ANKRD28: variants seen among roughly 807,000 people sequenced by gnomAD.
ANKRD28 encodes the protein serine/threonine-protein phosphatase 6 regulatory ankyrin repeat subunit A.
Under a neutral mutation model 126.5 loss-of-function variants are expected in ANKRD28, and 44 were observed. The ratio of observed to expected loss-of-function variants is 0.35; its 90% CI spans 0.27 to 0.45. The LOEUF (loss-of-function observed/expected upper bound fraction) is 0.45, where lower values mean the gene tolerates loss of function less well. Ranked by LOEUF, ANKRD28 falls within the 20% of genes least tolerant of loss-of-function variation. The pLI is 1.00. For missense variants in ANKRD28, 1,110 were observed against 1,316.6 expected (o/e 0.84, Z 2.43); for synonymous variants, 442 against 468.5 (o/e 0.94, Z 0.73).
chr3:15,757,632 C>A (rs1169147391), intron 3 of ANKRD28, among the ~76,000 whole-genome samples: 2 of 152,068 alleles, frequency 1.3e-5, no homozygotes, highest in Admixed American at 1.3e-4. Context: ...TCACCCTTTC[C>A]ACCATATGAG....
intron 6 of ANKRD28, chr3:15,732,204 T>G (rs868037991): frequency 6.6e-6 from 1 of 152,080 alleles, no homozygotes; most frequent in African/African-American, 2.4e-5. Flanking sequence ...TTTGCCCCAA[T>G]GGAGGTCAAA....
At chr3:15,756,543 GAC>G (rs1575558552) in intron 3 of ANKRD28, 2 of 984,466 alleles carry the variant, frequency 2.0e-6, no homozygotes, top group Non-Finnish European at 2.4e-6. Flanking sequence ...ACGTTGTGAA[GAC>G]ACAGTCATGG....
At position 15,686,039 on chromosome 3, in the gene ANKRD28, G is replaced by C; in HGVS notation, c.2132C>G (p.Ala711Gly). The part of the protein sequence containing the change: ...SLLNKGANVD[A>G]KDKWGRTALH... ...CGCTGTCCTTCCCCACTTATCTTTG[G>C]CATCTACATTTGCTCCTTTGTTCAG... is the stretch of plus-strand genomic sequence containing the variant. Residue 711 changes from alanine (A) to glycine (G), a missense_variant, in exon 20 of 28, where the codon GCC becomes GGC. Ala to Gly is a moderately conservative substitution (Grantham distance 60, BLOSUM62 0). Transcript: ENST00000683139. The C allele has an allele frequency of 6.2e-7, 1 of 1,613,636 alleles. No homozygotes were observed. The highest frequency in any genetic ancestry group is 8.5e-7 in the Non-Finnish European group (1 of 1,179,806).
intron 1 of ANKRD28, among the ~76,000 whole-genome samples, chr3:15,832,498 C>A (rs1559582640): frequency 6.6e-6 from 1 of 152,202 alleles, no homozygotes; most frequent in Non-Finnish European, 1.5e-5. Flanking sequence ...TTAGGGGATA[C>A]ACTGCAGATT....
intron 14 of ANKRD28, among the ~76,000 whole-genome samples, chr3:15,702,256 T>C (rs1316807556): frequency 6.6e-6 from 1 of 152,230 alleles, no homozygotes; most frequent in African/African-American, 2.4e-5. Flanking sequence ...TTTAGAACAG[T>C]GGTTAATCAC....
At chr3:15,772,755 C>T (rs1004480991) in intron 2 of ANKRD28, among the ~76,000 whole-genome samples, 17 of 152,102 alleles carry the variant, frequency 1.1e-4, no homozygotes, top group Admixed American at 6.5e-4. Context: ...GGCGCGATCT[C>T]GGCTCACTGC....
intron 3 of ANKRD28, 107 bp downstream of exon 3, chr3:15,766,123 AAAAC>A: frequency 1.3e-6 from 1 of 776,678 alleles, no homozygotes; most frequent in Admixed American, 2.9e-5. Flanking sequence ...TTCAGCTGAT[AAAAC>A]AAATATGAAC....
rs1327814911 is a variant in ANKRD28 at position 15,713,633 on chromosome 3, T to C, written c.1084A>G (p.Ile362Val). 1.2e-6 allele frequency: 2 copies of C among 1,601,412 alleles called. No homozygotes were observed. Among genetic ancestry groups the C allele is most frequent in the Admixed American group, 1.7e-5 (1 of 57,298 alleles). Residue 362 changes from isoleucine (I) to valine (V), a missense_variant, in exon 10 of 28, where the codon ATC (isoleucine) becomes GTC (valine). Physicochemically the swap from Ile to Val is conservative, Grantham distance 29. Coordinates refer to ENST00000683139, the MANE Select transcript of ANKRD28 (RefSeq NM_001349278.2). Reference sequence around the variant, plus strand: ...TTTCCATTCTTATCCTCACAGTCGATTACAGCTCCTGCAATATAGGACTTA... The same window carrying C: ...TTTCCATTCTTATCCTCACAGTCGACTACAGCTCCTGCAATATAGGACTTA... The part of the protein sequence containing the change: ...SQTIIQSGAV[I>V]DCEDKNGNTP...
In ANKRD28 at chr3:15,796,643, G is replaced by GGTT; in HGVS notation, c.-123_-122insAAC. The stretch of plus-strand genomic sequence containing the variant: ...AACATTCTCTGAACAGCACAGCTGG[G>GGTT]TTTTTTTTTTTTTTAAAGTTAATAA... On this transcript the variant is annotated 5_prime_UTR_variant, in exon 1 of 28. Coordinates refer to ENST00000683139, the MANE Select transcript of ANKRD28 (RefSeq NM_001349278.2). 2.2e-6 allele frequency: 2 copies of GGTT among 912,488 alleles called. No homozygotes were observed. The highest frequency in any genetic ancestry group is 2.6e-6 in the Non-Finnish European group (2 of 764,748). The allele number at this position is 912,488 out of a possible 1,614,324, so 56.5% of individuals were successfully genotyped here.
intron 25 of ANKRD28, 73 bp downstream of exon 25, chr3:15,677,407 A>T: frequency 9.1e-7 from 1 of 1,098,582 alleles, no homozygotes; most frequent in Non-Finnish European, 1.4e-6. Flanking sequence ...TGTTCATTTT[A>T]GTGAAGTCAA....
At chr3:15,847,089 G>T (rs2061547122) in intron 1 of ANKRD28, among the ~76,000 whole-genome samples, 1 of 152,152 alleles carries the variant, frequency 6.6e-6, no homozygotes, top group South Asian at 2.1e-4. Flanking sequence ...TCATCATTCA[G>T]CAGGTCTAAT....
In ANKRD28 at chr3:15,843,236, C is replaced by T. The variant is rs1295871505; in HGVS notation, c.27+16141G>A. On this transcript the variant is annotated intron_variant, in intron 1 of 27. Transcript: ENST00000399451. The surrounding 1 kb of genome is among the most constrained non-coding windows in gnomAD (Gnocchi z 5.2). ...GCCACACACTTTTAAATGACCAGAT[C>T]TCATGAGAACTCACTATCACAGGGA... Among the ~76,000 whole-genome samples, 1 of 152,176 alleles carries T rather than the reference C, an allele frequency of 6.6e-6. No homozygotes were observed. The highest frequency in any genetic ancestry group is 1.5e-5 in the Non-Finnish European group (1 of 68,038).
intron 18 of ANKRD28, among the ~76,000 whole-genome samples, chr3:15,688,770 TA>T (rs1386403308): frequency 6.6e-6 from 1 of 152,258 alleles, no homozygotes; most frequent in East Asian, 1.9e-4. Context: ...GCAAGTCATT[TA>T]ACTGACTTGG....
At chr3:15,739,669 G>A (rs1343379717) in intron 4 of ANKRD28, among the ~76,000 whole-genome samples, 2 of 152,160 alleles carry the variant, frequency 1.3e-5, no homozygotes, top group Non-Finnish European at 2.9e-5. Context: ...GTGTTAGAAA[G>A]TGAAAATAGC....
chr3:15,766,122 TAAAA>T, intron 3 of ANKRD28, 108 bp downstream of exon 3: 1 of 765,100 alleles, frequency 1.3e-6, no homozygotes, highest in South Asian at 2.2e-5. Context: ...TTTCAGCTGA[TAAAA>T]CAAATATGAA....
intron 3 of ANKRD28, among the ~76,000 whole-genome samples, chr3:15,759,781 A>G (rs1370659762): frequency 6.6e-6 from 1 of 152,222 alleles, no homozygotes; most frequent in East Asian, 1.9e-4. Context: ...GCTTCTTCAG[A>G]TCTTGGGAAG....
Position 15,678,297 on chromosome 3 carries a change from G to A in ANKRD28, c.2619C>T (p.Leu873=), listed in dbSNP as rs777925632. 4 of 1,613,020 alleles carry A rather than the reference G, an allele frequency of 2.5e-6. No individual in the cohort carries two copies. The South Asian group carries it at 3.3e-5, about 13-fold the overall frequency. ...CAGAATTGACTTGAGCATTATGGCTGAGCAGCAGCTGTAAACACTCTACAT... is the reference window on the plus strand; with the variant it reads ...CAGAATTGACTTGAGCATTATGGCTAAGCAGCAGCTGTAAACACTCTACAT... ...TDHVECLQLL[L]SHNAQVNSVD... Residue 873 remains leucine, a synonymous_variant, in exon 24 of 28, where the codon CTC becomes CTT. Transcript: ENST00000683139.
At chr3:15,772,364 A>G (rs2059057383) in intron 2 of ANKRD28, among the ~76,000 whole-genome samples, 1 of 152,204 alleles carries the variant, frequency 6.6e-6, no homozygotes, top group Non-Finnish European at 1.5e-5. Flanking sequence ...AAAATCCCCA[A>G]AACATAAAAA....
intron 3 of ANKRD28, among the ~76,000 whole-genome samples, chr3:15,764,813 G>A (rs1260295174): frequency 1.3e-5 from 2 of 152,098 alleles, no homozygotes; most frequent in Admixed American, 6.5e-5. Context: ...CATCTTCAGG[G>A]AAGTACATCA....
Sources: allele counts gnomAD v4.1 joint callset (sites outside exome capture counted in the v4.1 genomes callset), GRCh38; gene constraint gnomAD v4.1.1; non-coding constraint Gnocchi (gnomAD v3.1); transcripts MANE v1.5; gene names NCBI Gene and HGNC (gene_info 2026-07-23, HGNC 2026-07-21).